The following DNAH14 variants were observed in gnomAD, a reference collection of about 807,000 sequenced individuals.
The protein encoded by DNAH14 is dynein axonemal heavy chain 14, also known as axonemal beta dynein heavy chain 14.
Under a neutral mutation model 520.9 loss-of-function variants are expected in DNAH14, and 478 were observed. The ratio of observed to expected loss-of-function variants is 0.92; its 90% CI spans 0.85 to 0.99. DNAH14 has a LOEUF of 0.99. Ranked by LOEUF, DNAH14 falls within the 50% of genes least tolerant of loss-of-function variation. The pLI is 0.00. For missense variants in DNAH14, 4,831 were observed against 5,234.5 expected (o/e 0.92, Z 2.38); for synonymous variants, 1,581 against 1,757.2 (o/e 0.90, Z 2.51).
intron 36 of DNAH14, among the ~76,000 whole-genome samples, 172 bp downstream of exon 36, chr1:225,168,200 A>G (rs7518395): frequency 0.31 from 47,855 of 152,106 alleles, 8,720 homozygotes; most frequent in East Asian, 0.61. Flanking sequence ...CAAGATGGCC[A>G]AATAGGAACA....
At chr1:225,111,285 C>A (rs1375216625) in intron 23 of DNAH14, among the ~76,000 whole-genome samples, 1 of 152,070 alleles carries the variant, frequency 6.6e-6, no homozygotes, top group Non-Finnish European at 1.5e-5. Flanking sequence ...CTTTATATAT[C>A]TGGGCCCTTC....
chr1:224,948,114 G>T lies in DNAH14; in HGVS notation c.-33-4556G>T, dbSNP rs368594674. Among the ~76,000 whole-genome samples the T allele has an allele frequency of 1.1e-4, 16 of 151,822 alleles. No individual in the cohort carries two copies. The East Asian group carries it at 1.9e-3, about 18-fold the overall frequency. ...TTGTTTGCTAGTTTTGGTAGGAAAA[G>T]GTTGGCCTGATTAACTGAAATAAGT... On this transcript the variant is annotated intron_variant, in intron 1 of 85. Coordinates refer to ENST00000682510, the MANE Select transcript of DNAH14 (RefSeq NM_001367479.1).
chr1:225,381,510 CA>C lies in DNAH14; in HGVS notation c.13009del (p.Ile4337SerfsTer16). The C allele has an allele frequency of 6.5e-7, 1 of 1,549,274 alleles. No individual in the cohort carries two copies. Among genetic ancestry groups the C allele is most frequent in the Non-Finnish European group, 8.7e-7 (1 of 1,146,354 alleles). On this transcript the variant is annotated frameshift_variant, in exon 81 of 86. Coordinates refer to ENST00000682510, the MANE Select transcript of DNAH14 (RefSeq NM_001367479.1). LOFTEE classifies it high-confidence loss of function. Reference protein sequence around the residue: ...DLQLAIKGEIILTQELEEIFN... With the variant: ...DLQLAIKGEIXLTQELEEIFN... ...TTCAGCTTGCTATAAAAGGAGAGATCATCCTCACCCAAGAATTGGAGGAAAT... is the reference window on the plus strand; with the variant it reads ...TTCAGCTTGCTATAAAAGGAGAGATCTCCTCACCCAAGAATTGGAGGAAAT...
intron 34 of DNAH14, among the ~76,000 whole-genome samples, chr1:225,154,954 A>G (rs898748128): frequency 9.9e-5 from 15 of 152,240 alleles, no homozygotes; most frequent in African/African-American, 1.4e-4. Flanking sequence ...GGAAAAAATC[A>G]ACAGGAAAAT....
chr1:224,963,264 T>C (rs903335736), intron 4 of DNAH14, among the ~76,000 whole-genome samples: 1 of 152,124 alleles, frequency 6.6e-6, no homozygotes, highest in East Asian at 1.9e-4. Context: ...TTCTTGTGTA[T>C]AAGTTGCTAA....
At chr1:225,151,886 G>T in intron 31 of DNAH14, 119 bp from the exon 32 acceptor site, 1 of 861,938 alleles carries the variant, frequency 1.2e-6, no homozygotes, top group Non-Finnish European at 1.9e-6. Context: ...TTTCCAGTGT[G>T]CTCTGTTTGC....
chr1:224,952,653 T>G lies in DNAH14; in HGVS notation c.-33-17T>G, dbSNP rs368164810. On this transcript the variant is annotated splice_polypyrimidine_tract_variant and intron_variant, in intron 1 of 85. Coordinates refer to ENST00000682510, the MANE Select transcript of DNAH14 (RefSeq NM_001367479.1). ...TTGTATTGTATATTAAATATAATAA[T>G]GTGAATTTTGTTACAGCCAGTTCCT... is the stretch of plus-strand genomic sequence containing the variant. 4.5e-6 allele frequency: 6 copies of G among 1,320,002 alleles called. No homozygotes were observed. In the African/African-American group the frequency reaches 9.0e-5, roughly 20 times the overall value. The allele number at this position is 1,320,002 out of a possible 1,614,324, so 81.8% of individuals were successfully genotyped here.
At chr1:225,002,970 A>G (rs1344908328) in intron 9 of DNAH14, 43 bp downstream of exon 9, 2 of 1,396,508 alleles carry the variant, frequency 1.4e-6, no homozygotes, top group Admixed American at 3.2e-5. Context: ...TGGTATATAG[A>G]AACTAGGAAG....
rs1286846414 is a variant in DNAH14 at position 225,050,259 on chromosome 1, T to C, written c.1962T>C (p.Asp654=). 1 of 1,549,870 alleles carries C rather than the reference T, an allele frequency of 6.5e-7. No individual in the cohort carries two copies. ...ATCCCCAGCTGTCTATCTTCATTGA[T>C]TTGGTTTCAATAATGGATTTACCTA... ...CQDPQLSIFI[D]LVSIMDLPNK... is the part of the protein sequence containing the mutation. The change falls in exon 16 of 86, where the codon GAT becomes GAC. Residue 654 remains aspartate (D), a synonymous_variant. Coordinates refer to ENST00000682510, the MANE Select transcript of DNAH14 (RefSeq NM_001367479.1).
intron 27 of DNAH14, among the ~76,000 whole-genome samples, chr1:225,128,346 G>T (rs2077995529): frequency 6.6e-6 from 1 of 151,984 alleles, no homozygotes. Flanking sequence ...TACCAAAGCT[G>T]GGCAGAGACA....
At chr1:225,046,816 T>C (rs1374280288) in intron 15 of DNAH14, among the ~76,000 whole-genome samples, 1 of 152,188 alleles carries the variant, frequency 6.6e-6, no homozygotes, top group East Asian at 1.9e-4. Context: ...AGTATTACTG[T>C]TATTTATTTT....
chr1:225,295,148 G>A (rs528874653), intron 55 of DNAH14, among the ~76,000 whole-genome samples: 5 of 151,798 alleles, frequency 3.3e-5, no homozygotes, highest in African/African-American at 4.8e-5. Flanking sequence ...GATCTTTTCC[G>A]TTTTTAGTTT....
chr1:225,204,312 A>G lies in DNAH14; in HGVS notation c.5977+39A>G. 2.5e-6 allele frequency: 3 copies of G among 1,201,128 alleles called. No homozygotes were observed. The South Asian group carries it at 4.7e-5, about 19-fold the overall frequency. The allele number at this position is 1,201,128 out of a possible 1,614,324, so 74.4% of individuals were successfully genotyped here. ...AATTCAAGAAAGATTATTAATATAG[A>G]AGACAAACTCTCAACCAATATGAGC... On this transcript the variant is annotated intron_variant, in intron 39 of 85. Transcript: ENST00000682510.
chr1:225,335,292 T>C (rs1394520652), intron 66 of DNAH14, among the ~76,000 whole-genome samples: 1 of 139,832 alleles, frequency 7.2e-6, no homozygotes, highest in South Asian at 2.3e-4. Flanking sequence ...TATATGCACA[T>C]ATACACATGT....
Position 225,377,243 on chromosome 1 carries a change from C to A in DNAH14, c.12523C>A (p.Leu4175Met). The change falls in exon 79 of 86, where the codon CTG becomes ATG. Residue 4175 changes from leucine to methionine, a missense_variant. Leu to Met is a conservative substitution (Grantham distance 15). Transcript: ENST00000682510. ...DFSFSSDGIC[L>M]PVPGSASIKD... ...CAAAATGTTAAATTTTCAGATATGT[C>A]TGCCAGTTCCAGGATCTGCAAGCAT... The A allele has an allele frequency of 7.2e-7, 1 of 1,386,088 alleles. No individual in the cohort carries two copies. The highest frequency in any genetic ancestry group is 9.4e-7 in the Non-Finnish European group (1 of 1,059,840). 85.9% of individuals were successfully genotyped at this position (1,386,088 alleles called of 1,614,324 possible). A position where few individuals can be genotyped will look rare whatever the true frequency, so the allele number is the denominator to read the frequency against.
chr1:224,936,703 T>C (rs1300959629), intron 1 of DNAH14, among the ~76,000 whole-genome samples: 2 of 151,898 alleles, frequency 1.3e-5, no homozygotes, highest in Admixed American at 6.6e-5. Flanking sequence ...GAGGGAGTAC[T>C]TCCAACCTCA....
chr1:225,216,152 C>A (rs12722900), intron 41 of DNAH14, among the ~76,000 whole-genome samples: 1 of 151,930 alleles, frequency 6.6e-6, no homozygotes, highest in Admixed American at 6.6e-5. Context: ...CCTTCACTTA[C>A]GAAGCTTAGT....
intron 35 of DNAH14, among the ~76,000 whole-genome samples, chr1:225,162,010 A>C (rs761327881): frequency 6.6e-6 from 1 of 152,172 alleles, no homozygotes; most frequent in East Asian, 1.9e-4. Context: ...TTTTAACTTC[A>C]TGCGATTCCA....
At position 225,205,963 on chromosome 1, in the gene DNAH14, C is replaced by A. The variant is rs1460218477; in HGVS notation, c.5978-8C>A. 4 of 1,545,970 alleles carry A rather than the reference C, an allele frequency of 2.6e-6. No individual in the cohort carries two copies. ...TCTCAGTTACATTAAAAATATTTTT[C>A]TCTCCAGATTTTGATTGGCAGTGGA... On this transcript the variant is annotated splice_region_variant and splice_polypyrimidine_tract_variant and intron_variant, in intron 39 of 85. Transcript: ENST00000682510.
Sources: gnomAD v4.1 joint callset for allele counts (sites outside exome capture counted in the v4.1 genomes callset) on GRCh38, gnomAD v4.1.1 for gene constraint, MANE v1.5 for transcripts, NCBI Gene and HGNC (gene_info 2026-07-23, HGNC 2026-07-21) for gene names.